NUDCD1: variants seen among roughly 807,000 people sequenced by gnomAD.
NUDCD1 encodes NudC domain containing 1.
NUDCD1 carries 60 observed loss-of-function variants against 67.8 expected under a neutral mutation model. The observed-to-expected ratio is 0.88, with a 90% CI of 0.72 to 1.10. The LOEUF (loss-of-function observed/expected upper bound fraction) is 1.10, where lower values mean the gene tolerates loss of function less well. Ranked by LOEUF, NUDCD1 falls within the 50% of genes least tolerant of loss-of-function variation. The pLI is 0.00. For synonymous variants in NUDCD1, 244 were observed against 230.8 expected, an observed-to-expected ratio of 1.06 and a Z score of -0.52; for missense variants, 643 against 695.0, an observed-to-expected ratio of 0.93 and a Z score of 0.84.
intron 8 of NUDCD1, among the ~76,000 whole-genome samples, chr8:109,269,604 G>A (rs1458927): frequency 0.41 from 61,842 of 151,774 alleles, 12,850 homozygotes; most frequent in South Asian, 0.5. Context: ...AAATCTCTAC[G>A]TGACAAAGAA....
chr8:109,306,635 C>T (rs1815113203), intron 2 of NUDCD1, among the ~76,000 whole-genome samples: 1 of 151,254 alleles, frequency 6.6e-6, no homozygotes, highest in Admixed American at 6.6e-5. Flanking sequence ...TGTTGAACCC[C>T]CCCCACCCCC....
At position 109,275,407 on chromosome 8, in the gene NUDCD1, G is replaced by A. The variant is rs768398227; in HGVS notation, c.1118C>T (p.Ser373Leu). ...GDKQGELIRD[S>L]AQCAAIAERL... ...TTCAGCTATTGCAGCACACTGGGCT[G>A]AATCTCTTATAAGTTCCCCTTGTTT... Residue 373 changes from serine to leucine, a missense_variant, in exon 7 of 10, where the codon TCA becomes TTA. By Grantham distance (145) the Ser-to-Leu change is moderately radical. Coordinates refer to ENST00000239690, the MANE Select transcript of NUDCD1 (RefSeq NM_032869.4). 55 of 1,613,758 alleles carry A rather than the reference G, an allele frequency of 3.4e-5. No homozygotes were observed. The highest frequency in any genetic ancestry group is 1.7e-4 in the Middle Eastern group (1 of 6,060).
At position 109,333,981 on chromosome 8, in the gene NUDCD1, C is replaced by T. The variant is rs1157681294; in HGVS notation, c.30G>A (p.Arg10=). Residue 10 remains arginine, a synonymous_variant, in exon 1 of 10, where the codon CGG becomes CGA. Coordinates refer to ENST00000239690, the MANE Select transcript of NUDCD1 (RefSeq NM_032869.4). The stretch of plus-strand genomic sequence containing the variant: ...GGGGATCCAACAGAGGTCTCTTCAC[C>T]CGTAGGGAGCAATTAGCCGCCACCT... The part of the protein sequence containing the change: MEVAANCSL[R]VKRPLLDPRF... The T allele has an allele frequency of 9.9e-6, 16 of 1,614,036 alleles. 1 individual carries two copies. Among genetic ancestry groups the T allele is most frequent in the Non-Finnish European group, 1.3e-5 (15 of 1,179,998 alleles).
chr8:109,270,502 C>T (rs1379216696), intron 8 of NUDCD1, among the ~76,000 whole-genome samples: 1 of 152,002 alleles, frequency 6.6e-6, no homozygotes, highest in African/African-American at 2.4e-5. Context: ...AATTCTGTAA[C>T]TCGTTATTAG....
chr8:109,242,323 C>G lies in NUDCD1; in HGVS notation c.*686G>C, dbSNP rs772185655. The G allele has an allele frequency of 1.0e-5, 4 of 393,880 alleles. No homozygotes were observed. Among genetic ancestry groups the G allele is most frequent in the Non-Finnish European group, 1.3e-5 (3 of 223,308 alleles). The allele number at this position is 393,880 out of a possible 1,614,324, so 24.4% of individuals were successfully genotyped here. A position where few individuals can be genotyped will look rare whatever the true frequency, so the allele number is the denominator to read the frequency against. On this transcript the variant is annotated 3_prime_UTR_variant, in exon 10 of 10. Coordinates refer to ENST00000239690, the MANE Select transcript of NUDCD1 (RefSeq NM_032869.4). ...GCTGAGAGGCCCTGTACAGCAGAGA[C>G]AGCCAACTCACTGAATCGTGAAAAA...
chr8:109,306,710 G>GT, intron 2 of NUDCD1, among the ~76,000 whole-genome samples: 1 of 149,300 alleles, frequency 6.7e-6, no homozygotes, highest in South Asian at 2.1e-4. Flanking sequence ...TTTAATACGT[G>GT]TTTTCCTCTT....
chr8:109,301,321 C>A (rs971997250), intron 2 of NUDCD1, among the ~76,000 whole-genome samples: 1 of 152,200 alleles, frequency 6.6e-6, no homozygotes, highest in Non-Finnish European at 1.5e-5. Context: ...AATATTCTCT[C>A]CGCCCTTAAG....
intron 6 of NUDCD1, among the ~76,000 whole-genome samples, chr8:109,278,351 A>G (rs1408884523): frequency 6.6e-6 from 1 of 152,222 alleles, no homozygotes; most frequent in Non-Finnish European, 1.5e-5. Context: ...TGGGGGGCAA[A>G]GGATTATAAT....
rs966524335 is a variant in NUDCD1, at chr8:109,289,848, A to T, written c.726T>A (p.Asn242Lys). Reference sequence around the variant, plus strand: ...ACTTGTAGGATACAATCATTAGACCATTTCCATCAGGCTCAATAGCAGCAT... The same window carrying T: ...ACTTGTAGGATACAATCATTAGACCTTTTCCATCAGGCTCAATAGCAGCAT... ...PHYAAIEPDG[N>K]GLMIVSYKSL... is the part of the protein sequence containing the mutation. The change falls in exon 5 of 10, where the codon AAT (asparagine) becomes AAA (lysine). Residue 242 changes from asparagine to lysine, a missense_variant. Coordinates refer to ENST00000239690, the MANE Select transcript of NUDCD1 (RefSeq NM_032869.4). The T allele has an allele frequency of 1.3e-5, 21 of 1,562,350 alleles. No homozygotes were observed. In the Admixed American group the frequency reaches 3.5e-4, roughly 26 times the overall value.
intron 2 of NUDCD1, among the ~76,000 whole-genome samples, chr8:109,305,672 T>C (rs1327971180): frequency 2.0e-5 from 3 of 152,096 alleles, no homozygotes; most frequent in African/African-American, 7.2e-5. Flanking sequence ...TATCTTCCTG[T>C]CCTCCAGCAG....
intron 8 of NUDCD1, among the ~76,000 whole-genome samples, chr8:109,260,991 G>A (rs970640482): frequency 2.6e-5 from 4 of 152,146 alleles, no homozygotes; most frequent in Admixed American, 2.0e-4. Flanking sequence ...CATTAAAAGT[G>A]GTGACAGGTA....
At chr8:109,317,964 G>T (rs76981001) in intron 2 of NUDCD1, among the ~76,000 whole-genome samples, 3,151 of 152,218 alleles carry the variant, frequency 0.021, 109 homozygotes, top group African/African-American at 0.072. Flanking sequence ...CACCTAAAAA[G>T]TATAACATAT....
At position 109,245,319 on chromosome 8, in the gene NUDCD1, T is replaced by C. The variant is rs1253431778; in HGVS notation, c.1459+3A>G. The stretch of plus-strand genomic sequence containing the variant: ...GGAAAATGTCAAAGAGTTTGCTTTA[T>C]ACCTAAAGCATTGAAAGTTGCGATG... On this transcript the variant is annotated splice_donor_region_variant and intron_variant, in intron 9 of 9. Transcript: ENST00000239690. The C allele has an allele frequency of 1.9e-6, 3 of 1,608,692 alleles. No homozygotes were observed. Among genetic ancestry groups the C allele is most frequent in the Non-Finnish European group, 8.5e-7 (1 of 1,177,280 alleles).
At chr8:109,251,579 G>A (rs1813625507) in intron 8 of NUDCD1, among the ~76,000 whole-genome samples, 1 of 152,070 alleles carries the variant, frequency 6.6e-6, no homozygotes, top group African/African-American at 2.4e-5. Context: ...AGACTTCATT[G>A]GTTACACTTT....
intron 3 of NUDCD1, among the ~76,000 whole-genome samples, chr8:109,296,147 A>T (rs1814836806): frequency 1.3e-5 from 2 of 152,332 alleles, no homozygotes; most frequent in East Asian, 3.9e-4. Context: ...TCTGCTGAAA[A>T]ATGAATGCAA....
intron 1 of NUDCD1, among the ~76,000 whole-genome samples, chr8:109,330,649 G>C (rs1221268832): frequency 2.0e-5 from 3 of 152,082 alleles, no homozygotes; most frequent in African/African-American, 2.4e-5. Flanking sequence ...TCCCGTATCT[G>C]TTCACGTCCC....
chr8:109,291,771 G>A (rs1192489665), intron 4 of NUDCD1, among the ~76,000 whole-genome samples: 3 of 152,116 alleles, frequency 2.0e-5, no homozygotes, highest in Admixed American at 6.6e-5. Context: ...GCAAAGAAAC[G>A]AAGACAAACG....
intron 8 of NUDCD1, among the ~76,000 whole-genome samples, chr8:109,250,769 T>C (rs1021609222): frequency 2.0e-5 from 3 of 152,146 alleles, no homozygotes; most frequent in South Asian, 2.1e-4. Flanking sequence ...ATTATACTGA[T>C]TGATGATATT....
chr8:109,262,786 T>C (rs1813895084), intron 8 of NUDCD1, among the ~76,000 whole-genome samples: 1 of 152,028 alleles, frequency 6.6e-6, no homozygotes, highest in East Asian at 1.9e-4. Flanking sequence ...CCGGGTGTGG[T>C]AGCTCACGCC....
Sources: gnomAD v4.1 joint callset for allele counts (sites outside exome capture counted in the v4.1 genomes callset) on GRCh38, gnomAD v4.1.1 for gene constraint, MANE v1.5 for transcripts, NCBI Gene and HGNC (gene_info 2026-07-23, HGNC 2026-07-21) for gene names.